Variants in ZNF792 observed in about 807,000 individuals in gnomAD.
ZNF792 encodes the protein zinc finger protein 792.
Under a neutral mutation model 13.1 loss-of-function variants are expected in ZNF792, and 14 were observed. That is an observed-to-expected ratio of 1.07 (90% CI 0.71 to 1.67). The LOEUF is 1.67. ZNF792 is among the 40% of genes most tolerant of loss of function. The probability of loss-of-function intolerance (pLI) is 0.00; values close to 1 mark genes in which losing one functional copy is unlikely to be tolerated. For missense variants in ZNF792, 740 were observed against 807.9 expected, an observed-to-expected ratio of 0.92 and a Z score of 1.02; for synonymous variants, 257 against 292.0, an observed-to-expected ratio of 0.88 and a Z score of 1.22.
In ZNF792 at chr19:34,957,187, CT is replaced by C. The variant is rs1174044783; in HGVS notation, c.*768del. 3.3e-5 allele frequency: 5 copies of C among 152,208 alleles called. No individual in the cohort carries two copies. Among genetic ancestry groups the C allele is most frequent in the African/African-American group, 1.2e-4 (5 of 41,440 alleles). The allele number at this position is 152,208 out of a possible 1,614,324, so 9.4% of individuals were successfully genotyped here. A position where few individuals can be genotyped will look rare whatever the true frequency, so the allele number is the denominator to read the frequency against. On this transcript the variant is annotated 3_prime_UTR_variant, in exon 4 of 4. Transcript: ENST00000404801. ...AGTATTGGGGAATATGGGGCACCCC[CT>C]GGGAATAAGGGACCCAATTCATGCT...
chr19:34,958,199 G>T lies in ZNF792; in HGVS notation c.1656C>A (p.His552Gln). Reference sequence around the variant, plus strand: ...GCCTGTCTGGTTTGTGAACTTTCAGGTGCTGCCTCAGATTGGACCTCTGCC... The same window carrying T: ...GCCTGTCTGGTTTGTGAACTTTCAGTTGCTGCCTCAGATTGGACCTCTGCC... ...TFRQRSNLRQ[H>Q]LKVHKPDRPY... The change falls in exon 4 of 4, where the codon CAC becomes CAA. Residue 552 changes from histidine (H) to glutamine (Q), a missense_variant. Transcript: ENST00000404801. The T allele has an allele frequency of 6.2e-7, 1 of 1,611,794 alleles. No homozygotes were observed. The highest frequency in any genetic ancestry group is 8.5e-7 in the Non-Finnish European group (1 of 1,178,150).
chr19:34,962,208 G>A (rs2013539731), intron 1 of ZNF792, among the ~76,000 whole-genome samples: 1 of 152,118 alleles, frequency 6.6e-6, no homozygotes, highest in Admixed American at 6.5e-5. Context: ...CACACCAGAT[G>A]TCACATTTTG....
rs184420250 is a variant in ZNF792, at chr19:34,956,457, G to A, written c.*1499C>T. 6 of 152,282 alleles carry A rather than the reference G, an allele frequency of 3.9e-5. No individual in the cohort carries two copies. The highest frequency in any genetic ancestry group is 1.4e-4 in the African/African-American group (6 of 41,560). 9.4% of individuals were successfully genotyped at this position (152,282 alleles called of 1,614,324 possible). On this transcript the variant is annotated 3_prime_UTR_variant, in exon 4 of 4. Transcript: ENST00000404801. Reference sequence around the variant, plus strand: ...AACGGTTTCCTAGGGAAGGCAAGGAGGGAATGTAAAGGGGCATGAGGTAGC... The same window carrying A: ...AACGGTTTCCTAGGGAAGGCAAGGAAGGAATGTAAAGGGGCATGAGGTAGC...
At position 34,960,917 on chromosome 19, in the gene ZNF792, G is replaced by A; in HGVS notation, c.111C>T (p.Leu37=). The part of the protein sequence containing the change: ...EWVLLDEAQR[L]LYCDVMLENF... ...TTTCCAGCATCACATCGCAGTACAGGAGTCTCTGAGCCTCATCGAGGAGCA... is the reference window on the plus strand; with the variant it reads ...TTTCCAGCATCACATCGCAGTACAGAAGTCTCTGAGCCTCATCGAGGAGCA... Residue 37 remains leucine (L), a synonymous_variant, in exon 2 of 4, where the codon CTC becomes CTT. Coordinates refer to ENST00000404801, the MANE Select transcript of ZNF792 (RefSeq NM_175872.5). 6.2e-7 allele frequency: 1 copy of A among 1,614,058 alleles called. No individual in the cohort carries two copies. Among genetic ancestry groups the A allele is most frequent in the South Asian group, 1.1e-5 (1 of 91,082 alleles).
chr19:34,963,310 G>C (rs1177628937), intron 1 of ZNF792, among the ~76,000 whole-genome samples: 1 of 151,952 alleles, frequency 6.6e-6, no homozygotes, highest in Non-Finnish European at 1.5e-5. Context: ...GACCTGGGTG[G>C]GGTTCCTTGA....
chr19:34,960,065 A>G (rs1288884019), intron 3 of ZNF792, among the ~76,000 whole-genome samples, 170 bp downstream of exon 3: 1 of 152,256 alleles, frequency 6.6e-6, no homozygotes. Context: ...GGCCCAACTC[A>G]GAATAATAAT....
In ZNF792 at chr19:34,959,552, C is replaced by T; in HGVS notation, c.303G>A (p.Glu101=). The change falls in exon 4 of 4, where the codon GAG becomes GAA. Residue 101 remains glutamate (E), a synonymous_variant. Coordinates refer to ENST00000404801, the MANE Select transcript of ZNF792 (RefSeq NM_175872.5). Reference sequence around the variant, plus strand: ...TATGCTCAGAAGGTAAGTCCTTGCCCTCTGTTCCATGGCAAAAATCTGAAA... The same window carrying T: ...TATGCTCAGAAGGTAAGTCCTTGCCTTCTGTTCCATGGCAAAAATCTGAAA... ...RPGSDFCHGT[E]GKDLPSEHNV... is the part of the protein sequence containing the mutation. The T allele has an allele frequency of 6.5e-7, 1 of 1,528,016 alleles. No homozygotes were observed. The highest frequency in any genetic ancestry group is 1.3e-5 in the South Asian group (1 of 76,572). The allele number at this position is 1,528,016 out of a possible 1,614,324, so 94.7% of individuals were successfully genotyped here. A position where few individuals can be genotyped will look rare whatever the true frequency, so the allele number is the denominator to read the frequency against.
rs749136729 is a variant in ZNF792 at position 34,959,512 on chromosome 19, CT to C, written c.342del (p.Gly115GlufsTer27). ...DLPSEHNVSV[E>X]GVAQDRSPEA... ...TCGGGACTCCTGTCCTGTGCCACTCCTTCTACAGAAACGTTATGCTCAGAAG... is the reference window on the plus strand; with the variant it reads ...TCGGGACTCCTGTCCTGTGCCACTCCTCTACAGAAACGTTATGCTCAGAAG... On this transcript the variant is annotated frameshift_variant, in exon 4 of 4. Coordinates refer to ENST00000404801, the MANE Select transcript of ZNF792 (RefSeq NM_175872.5). LOFTEE classifies it low-confidence loss of function (END_TRUNC). 2 of 1,590,848 alleles carry C rather than the reference CT, an allele frequency of 1.3e-6. No individual in the cohort carries two copies. The highest frequency in any genetic ancestry group is 1.3e-5 in the African/African-American group (1 of 74,222).
chr19:34,959,131 C>T lies in ZNF792; in HGVS notation c.724G>A (p.Glu242Lys), dbSNP rs138080556. The T allele has an allele frequency of 3.6e-5, 58 of 1,613,816 alleles. No individual in the cohort carries two copies. The African/African-American group carries it at 4.8e-4, about 13-fold the overall frequency. ...GCAATGTGAAAATCCACCACACCTT[C>T]GGTGGCCTCGTGCGGCTCCCCATCG... Reference protein sequence around the residue: ...PSDGEPHEATEGVVDFHIALR... With the variant: ...PSDGEPHEATKGVVDFHIALR... Residue 242 changes from glutamate to lysine, a missense_variant, in exon 4 of 4, where the codon GAA becomes AAA. Physicochemically the swap from Glu to Lys is moderately conservative, Grantham distance 56. Coordinates refer to ENST00000404801, the MANE Select transcript of ZNF792 (RefSeq NM_175872.5).
At position 34,960,347 on chromosome 19, in the gene ZNF792, A is replaced by G; in HGVS notation, c.171T>C (p.Ser57=). The G allele has an allele frequency of 6.2e-7, 1 of 1,613,216 alleles. No homozygotes were observed. Among genetic ancestry groups the G allele is most frequent in the South Asian group, 1.1e-5 (1 of 90,994 alleles). ...FALIASLGLI[S]FRSHIVSQLE... ...ACTGGGAAACGATGTGGGACCTGAA[A>G]GATATAAGTCCTAAGGGAAAGACAG... is the stretch of plus-strand genomic sequence containing the variant. Residue 57 remains serine (S), a synonymous_variant, in exon 3 of 4, where the codon TCT becomes TCC. Transcript: ENST00000404801.
chr19:34,960,503 G>T, intron 2 of ZNF792, 146 bp from the exon 3 acceptor site: 1 of 994,310 alleles, frequency 1.0e-6, no homozygotes, highest in South Asian at 1.6e-5. Flanking sequence ...TGGAATTCCT[G>T]GCACAGTCAG....
At position 34,960,339 on chromosome 19, in the gene ZNF792, G is replaced by T; in HGVS notation, c.179C>A (p.Ser60Tyr). 1 of 1,613,398 alleles carries T rather than the reference G, an allele frequency of 6.2e-7. No homozygotes were observed. The highest frequency in any genetic ancestry group is 1.1e-5 in the South Asian group (1 of 90,996). The change falls in exon 3 of 4, where the codon TCC becomes TAC. Residue 60 changes from serine (S) to tyrosine (Y), a missense_variant. Ser to Tyr is a moderately radical substitution (Grantham distance 144, BLOSUM62 -2). Coordinates refer to ENST00000404801, the MANE Select transcript of ZNF792 (RefSeq NM_175872.5). ...CATCTCCAACTGGGAAACGATGTGG[G>T]ACCTGAAAGATATAAGTCCTAAGGG... ...IASLGLISFR[S>Y]HIVSQLEMGK...
chr19:34,960,185 T>G (rs373373139), intron 3 of ZNF792, 50 bp downstream of exon 3: 39 of 1,600,286 alleles, frequency 2.4e-5, no homozygotes, highest in Non-Finnish European at 3.3e-5. Context: ...TGGTATGATG[T>G]AAACACAGTG....
chr19:34,963,511 CA>C (rs2013558007), intron 1 of ZNF792, 118 bp downstream of exon 1: 2 of 1,449,912 alleles, frequency 1.4e-6, no homozygotes, highest in Non-Finnish European at 1.9e-6. Flanking sequence ...TCCCCTGACT[CA>C]AAAGCAAGGA....
chr19:34,957,333 G>T lies in ZNF792; in HGVS notation c.*623C>A, dbSNP rs896333557. 2 of 152,126 alleles carry T rather than the reference G, an allele frequency of 1.3e-5. No homozygotes were observed. The highest frequency in any genetic ancestry group is 4.8e-5 in the African/African-American group (2 of 41,418). 9.4% of individuals were successfully genotyped at this position (152,126 alleles called of 1,614,324 possible). On this transcript the variant is annotated 3_prime_UTR_variant, in exon 4 of 4. Coordinates refer to ENST00000404801, the MANE Select transcript of ZNF792 (RefSeq NM_175872.5). The stretch of plus-strand genomic sequence containing the variant: ...CAATTTTTCCTAGGAGGCCTTGGTG[G>T]CAATGCAAATGAGGTCAAATCTGGA...
chr19:34,960,098 C>G, intron 3 of ZNF792, 137 bp downstream of exon 3: 1 of 1,294,112 alleles, frequency 7.7e-7, no homozygotes, highest in Admixed American at 2.3e-5. Context: ...ATGTGTCAAG[C>G]ACGGGGAAGG....
intron 1 of ZNF792, among the ~76,000 whole-genome samples, chr19:34,961,724 A>G (rs1385774927): frequency 6.6e-6 from 1 of 151,352 alleles, no homozygotes; most frequent in Non-Finnish European, 1.5e-5. Flanking sequence ...TTTAAAAAAG[A>G]AAAAAAAAGC....
rs746999037 is a variant in ZNF792 at position 34,959,470 on chromosome 19, G to T, written c.385C>A (p.Gln129Lys). ...DRSPEATLCP[Q>K]KTCPCDICGL... ...CATATGTCACAGGGGCAGGTCTTCT[G>T]GGGGCACAGAGTTGCCTCGGGACTC... The change falls in exon 4 of 4, where the codon CAG becomes AAG. Residue 129 changes from glutamine to lysine, a missense_variant. Coordinates refer to ENST00000404801, the MANE Select transcript of ZNF792 (RefSeq NM_175872.5). The T allele has an allele frequency of 6.2e-7, 1 of 1,613,542 alleles. No homozygotes were observed. Among genetic ancestry groups the T allele is most frequent in the Non-Finnish European group, 8.5e-7 (1 of 1,179,614 alleles).
chr19:34,962,455 G>A (rs2013543257), intron 1 of ZNF792, among the ~76,000 whole-genome samples: 1 of 152,170 alleles, frequency 6.6e-6, no homozygotes, highest in African/African-American at 2.4e-5. Flanking sequence ...CCTTTCTCTG[G>A]TTGTTCTTAA....
Sources: gnomAD v4.1 joint callset for allele counts (sites outside exome capture counted in the v4.1 genomes callset) on GRCh38, gnomAD v4.1.1 for gene constraint, MANE v1.5 for transcripts, NCBI Gene and HGNC (gene_info 2026-07-23, HGNC 2026-07-21) for gene names.